Variants in VPS13D observed in about 807,000 individuals in gnomAD.
VPS13D encodes the protein intermembrane lipid transfer protein VPS13D.
In VPS13D, 187 loss-of-function variants were observed where a neutral mutation model predicts 461.9. That is an observed-to-expected ratio of 0.40 (90% CI 0.36 to 0.46). The LOEUF (loss-of-function observed/expected upper bound fraction) is 0.46, where lower values mean the gene tolerates loss of function less well. Among genes scored for constraint, VPS13D ranks in the 20% least tolerant of loss-of-function variants. The pLI, the probability that VPS13D is intolerant of heterozygous loss-of-function variation, is 0.60. For missense variants in VPS13D, 4,711 were observed against 5,364.9 expected (o/e 0.88, Z 3.81); for synonymous variants, 1,951 against 1,986.3 (o/e 0.98, Z 0.47).
At chr1:12,424,554 C>T (rs1047700610) in intron 65 of VPS13D, among the ~76,000 whole-genome samples, 14 of 152,234 alleles carry the variant, frequency 9.2e-5, no homozygotes, top group South Asian at 2.1e-4. Context: ...AGCAGCCTCA[C>T]GCATGAAGGA....
intron 63 of VPS13D, among the ~76,000 whole-genome samples, chr1:12,410,542 A>G (rs1480027724): frequency 2.0e-5 from 3 of 152,224 alleles, no homozygotes; most frequent in Non-Finnish European, 4.4e-5. Context: ...CCAAGAGAAA[A>G]AACAAACACT....
intron 20 of VPS13D, among the ~76,000 whole-genome samples, chr1:12,281,014 C>G (rs1481732547): frequency 1.3e-5 from 2 of 151,376 alleles, no homozygotes; most frequent in East Asian, 3.9e-4. Flanking sequence ...CTTTATGTGC[C>G]CATCACTCTG....
intron 37 of VPS13D, among the ~76,000 whole-genome samples, chr1:12,330,725 C>T (rs1643308659): frequency 6.6e-6 from 1 of 151,988 alleles, no homozygotes; most frequent in African/African-American, 2.4e-5. Flanking sequence ...TGCCACCATG[C>T]CCAGCTAATT....
intron 65 of VPS13D, among the ~76,000 whole-genome samples, chr1:12,420,767 A>G (rs1480854359): frequency 6.6e-6 from 1 of 152,090 alleles, no homozygotes; most frequent in Non-Finnish European, 1.5e-5. Context: ...CTGTTAAGAG[A>G]TTTGTTTTTA....
intron 67 of VPS13D, among the ~76,000 whole-genome samples, chr1:12,466,182 T>A (rs777749674): frequency 3.0e-4 from 45 of 152,122 alleles, no homozygotes; most frequent in Non-Finnish European, 6.0e-4. Context: ...AATGCTTCCA[T>A]TAACTTTTTC....
At chr1:12,337,979 C>G in intron 39 of VPS13D, 1 of 391,284 alleles carries the variant, frequency 2.6e-6, no homozygotes, top group Non-Finnish European at 4.7e-6. Context: ...ACATATTCTT[C>G]TAATTCAGGA....
At chr1:12,401,448 A>G (rs1013381179) in intron 61 of VPS13D, among the ~76,000 whole-genome samples, 160 bp from the exon 62 acceptor site, 1 of 152,228 alleles carries the variant, frequency 6.6e-6, no homozygotes, top group Non-Finnish European at 1.5e-5. Context: ...TTAGTTAATC[A>G]TAACAATATA....
chr1:12,463,711 T>C (rs1645442612), intron 67 of VPS13D, among the ~76,000 whole-genome samples: 1 of 151,912 alleles, frequency 6.6e-6, no homozygotes, highest in South Asian at 2.1e-4. Flanking sequence ...GCTATGATTG[T>C]GCCCCTGCAC....
chr1:12,310,385 C>A (rs1174886128), intron 27 of VPS13D, among the ~76,000 whole-genome samples: 1 of 152,188 alleles, frequency 6.6e-6, no homozygotes, highest in African/African-American at 2.4e-5. Flanking sequence ...CAAACACTAG[C>A]CCTCTCTATA....
In VPS13D at chr1:12,338,234, T is replaced by TC; in HGVS notation, c.8560dup (p.Leu2854ProfsTer5). 6.2e-7 allele frequency: 1 copy of TC among 1,613,030 alleles called. No homozygotes were observed. Among genetic ancestry groups the TC allele is most frequent in the Non-Finnish European group, 8.5e-7 (1 of 1,179,256 alleles). The stretch of plus-strand genomic sequence containing the variant: ...CTTTGTCTCTCCTGTCTACCAGGCC[T>TC]CCCCCTTGTCTACCTTAGAACTAGG... On this transcript the variant is annotated frameshift_variant, in exon 40 of 70. Coordinates refer to ENST00000620676, the MANE Select transcript of VPS13D (RefSeq NM_015378.4). LOFTEE classifies it high-confidence loss of function.
At chr1:12,437,041 C>A (rs189895193) in intron 65 of VPS13D, among the ~76,000 whole-genome samples, 171 of 152,246 alleles carry the variant, frequency 1.1e-3, no homozygotes, top group Non-Finnish European at 1.9e-3. Context: ...AAAACAACAG[C>A]CTGTCACACC....
At chr1:12,278,118 A>G in intron 19 of VPS13D, 80 bp downstream of exon 19, 1 of 1,393,506 alleles carries the variant, frequency 7.2e-7, no homozygotes, top group East Asian at 2.3e-5. Context: ...TAAAACAGCA[A>G]CAATAAAATC....
rs969867420 is a variant in VPS13D, at chr1:12,308,578, C to T, written c.6587C>T (p.Thr2196Ile). The T allele has an allele frequency of 1.9e-6, 3 of 1,613,620 alleles. No individual in the cohort carries two copies. Among genetic ancestry groups the T allele is most frequent in the African/African-American group, 2.7e-5 (2 of 74,794 alleles). The change falls in exon 27 of 70, where the codon ACA (threonine) becomes ATA (isoleucine). Residue 2196 changes from threonine (T) to isoleucine (I), a missense_variant. Transcript: ENST00000620676. ...LIFPSYFVRQ[T>I]GGSLLTEPCR... ...TTCCCTTCCTATTTTGTGCGACAGA[C>T]AGGAGGAAGCCTCTTAACCGAGCCT... is the stretch of plus-strand genomic sequence containing the variant.
intron 7 of VPS13D, among the ~76,000 whole-genome samples, chr1:12,254,585 G>A (rs552005353): frequency 7.0e-4 from 97 of 138,028 alleles, no homozygotes; most frequent in African/African-American, 2.4e-3. Flanking sequence ...GTGCAGTGGC[G>A]TAATCTTGGC....
intron 65 of VPS13D, among the ~76,000 whole-genome samples, chr1:12,445,121 G>T (rs1429599941): frequency 6.6e-6 from 1 of 152,218 alleles, no homozygotes; most frequent in East Asian, 1.9e-4. Context: ...GACAGTGTGT[G>T]TGAGGTAGAA....
intron 12 of VPS13D, among the ~76,000 whole-genome samples, chr1:12,261,405 T>G (rs115910820): frequency 3.1e-4 from 47 of 152,374 alleles, no homozygotes; most frequent in Admixed American, 6.5e-4. Flanking sequence ...TCAACAATTT[T>G]AAACTCTGAA....
At chr1:12,461,797 G>T (rs1381911522) in intron 67 of VPS13D, among the ~76,000 whole-genome samples, 1 of 152,180 alleles carries the variant, frequency 6.6e-6, no homozygotes, top group Non-Finnish European at 1.5e-5. Flanking sequence ...TTTTAAAGAT[G>T]ATTTTGTGCT....
chr1:12,355,657 T>G (rs149051738), intron 47 of VPS13D, among the ~76,000 whole-genome samples: 1 of 152,154 alleles, frequency 6.6e-6, no homozygotes, highest in Non-Finnish European at 1.5e-5. Flanking sequence ...TCTAATCATA[T>G]GGGTTAGGAT....
At position 12,258,061 on chromosome 1, in the gene VPS13D, T is replaced by C. The variant is rs369880107; in HGVS notation, c.1068T>C (p.Tyr356=). The C allele has an allele frequency of 5.0e-6, 8 of 1,614,104 alleles. No individual in the cohort carries two copies. In the African/African-American group the frequency reaches 1.1e-4, roughly 22 times the overall value. Residue 356 remains tyrosine, a synonymous_variant, in exon 10 of 70, where the codon TAT becomes TAC. Coordinates refer to ENST00000620676, the MANE Select transcript of VPS13D (RefSeq NM_015378.4). ...ATGCTGTATCTTACACTGACAAATA[T>C]TTCAACAAGTTAAAAGGAGGCCTGC... ...ARDAVSYTDK[Y]FNKLKGGLLS... is the part of the protein sequence containing the mutation.
Sources: gnomAD v4.1 joint callset for allele counts (sites outside exome capture counted in the v4.1 genomes callset) on GRCh38, gnomAD v4.1.1 for gene constraint, MANE v1.5 for transcripts, NCBI Gene and HGNC (gene_info 2026-07-23, HGNC 2026-07-21) for gene names.